Variants in ANAPC1 observed in about 807,000 individuals in gnomAD.
ANAPC1 encodes anaphase promoting complex subunit 1, also known as anaphase-promoting complex subunit 1.
In ANAPC1, 36 loss-of-function variants were observed where a neutral mutation model predicts 208.0. The observed-to-expected ratio is 0.17, with a 90% confidence interval of 0.13 to 0.23. ANAPC1 has a LOEUF of 0.23. Ranked by LOEUF, ANAPC1 falls within the 10% of genes least tolerant of loss-of-function variation. The pLI, the probability that ANAPC1 is intolerant of heterozygous loss-of-function variation, is 1.00. For synonymous variants in ANAPC1, 378 were observed against 695.2 expected, an observed-to-expected ratio of 0.54 and a Z score of 7.18; for missense variants, 942 against 2,011.6, an observed-to-expected ratio of 0.47 and a Z score of 10.17.
At chr2:111,878,059 CAAAT>C (rs1186490050) in intron 3 of ANAPC1, among the ~76,000 whole-genome samples, 1 of 152,228 alleles carries the variant, frequency 6.6e-6, no homozygotes, top group Middle Eastern at 3.4e-3. Flanking sequence ...TGGAGACTGA[CAAAT>C]AACTCCAAAG....
At chr2:111,842,069 G>A (rs964613100) in intron 17 of ANAPC1, among the ~76,000 whole-genome samples, 4 of 152,076 alleles carry the variant, frequency 2.6e-5, no homozygotes, top group Admixed American at 2.0e-4. Flanking sequence ...TTAAAGAGTC[G>A]TGAAAAAGGA....
chr2:111,883,120 G>A (rs918866479), intron 1 of ANAPC1, among the ~76,000 whole-genome samples: 4 of 146,416 alleles, frequency 2.7e-5, no homozygotes, highest in African/African-American at 1.0e-4. Context: ...GAGCTGAGAT[G>A]GCGCCACTGC....
At chr2:111,853,154 T>C (rs187036513) in intron 13 of ANAPC1, among the ~76,000 whole-genome samples, 1 of 152,332 alleles carries the variant, frequency 6.6e-6, no homozygotes, top group East Asian at 1.9e-4. Flanking sequence ...TCCCACTTTA[T>C]AGAGACTCCA....
intron 21 of ANAPC1, among the ~76,000 whole-genome samples, chr2:111,829,363 G>A (rs1680007608): frequency 6.6e-6 from 1 of 152,146 alleles, no homozygotes. Context: ...TTCTCACCAT[G>A]AAGCAGAGCA....
chr2:111,846,087 TA>T (rs1171220749), intron 16 of ANAPC1, among the ~76,000 whole-genome samples: 2 of 152,166 alleles, frequency 1.3e-5, no homozygotes, highest in Admixed American at 1.3e-4. Flanking sequence ...CATTCTTGTC[TA>T]CAATCTGCCA....
At chr2:111,862,712 A>C (rs1682143509) in intron 9 of ANAPC1, 114 bp from the exon 10 acceptor site, 1 of 1,400,258 alleles carries the variant, frequency 7.1e-7, no homozygotes, top group Admixed American at 3.0e-5. Context: ...TCATGGCATA[A>C]TCCAGGTCAG....
Position 111,831,429 on chromosome 2 carries a change from T to C in ANAPC1, c.2482A>G (p.Thr828Ala), listed in dbSNP as rs758418162. 15 of 1,594,438 alleles carry C rather than the reference T, an allele frequency of 9.4e-6. No individual in the cohort carries two copies. Among genetic ancestry groups the C allele is most frequent in the Non-Finnish European group, 1.1e-5 (13 of 1,170,600 alleles). Reference protein sequence around the residue: ...GQVCTIDPGQTGFMHHPSFFT... With the variant: ...GQVCTIDPGQAGFMHHPSFFT... ...AATGATGGATGATGCATAAATCCTG[T>C]TTGACCTTTAAAATTAGATAAATAT... Residue 828 changes from threonine to alanine, a missense_variant, in exon 21 of 48, where the codon ACA (threonine) becomes GCA (alanine). Physicochemically the swap from Thr to Ala is moderately conservative, Grantham distance 58 (BLOSUM62 0). Transcript: ENST00000341068.
chr2:111,834,009 CT>C (rs1330249699), intron 19 of ANAPC1, among the ~76,000 whole-genome samples: 1 of 152,196 alleles, frequency 6.6e-6, no homozygotes, highest in East Asian at 1.9e-4. Flanking sequence ...ACACCAGGTG[CT>C]TCAAAGCTCT....
At chr2:111,855,851 C>T (rs1681681635) in intron 13 of ANAPC1, among the ~76,000 whole-genome samples, 1 of 152,044 alleles carries the variant, frequency 6.6e-6, no homozygotes, top group South Asian at 2.1e-4. Flanking sequence ...ATATTCACTT[C>T]ATTATTATTA....
intron 38 of ANAPC1, among the ~76,000 whole-genome samples, chr2:111,790,613 T>C (rs1677824247): frequency 6.6e-6 from 1 of 152,070 alleles, no homozygotes; most frequent in Non-Finnish European, 1.5e-5. Flanking sequence ...TAAAAACTTC[T>C]AGAAGATAAG....
At chr2:111,867,610 T>G (rs1413266021) in intron 7 of ANAPC1, among the ~76,000 whole-genome samples, 1 of 151,388 alleles carries the variant, frequency 6.6e-6, no homozygotes, top group Non-Finnish European at 1.5e-5. Context: ...GATAATCACT[T>G]GAACTCGGGA....
Position 111,856,847 on chromosome 2 carries a change from G to A in ANAPC1, c.1398C>T (p.Leu466=). The stretch of plus-strand genomic sequence containing the variant: ...GTATGTTGGTCACTGAACCAAAGAT[G>A]AGCTGGGTTTTATCATTACTCTCTT... ...KFQESNDKTQ[L]IFGSVTNIPA... is the part of the protein sequence containing the mutation. The change falls in exon 12 of 48, where the codon CTC becomes CTT. Residue 466 remains leucine, a synonymous_variant. Transcript: ENST00000341068. 1 of 1,612,432 alleles carries A rather than the reference G, an allele frequency of 6.2e-7. No individual in the cohort carries two copies. The highest frequency in any genetic ancestry group is 8.5e-7 in the Non-Finnish European group (1 of 1,179,862).
intron 47 of ANAPC1, chr2:111,771,235 C>T: frequency 6.7e-6 from 1 of 149,316 alleles, no homozygotes; most frequent in Non-Finnish European, 1.5e-5. Flanking sequence ...TTTGTCTCCT[C>T]AGTCCTATGC....
intron 23 of ANAPC1, 39 bp from the exon 24 acceptor site, chr2:111,825,075 G>A (rs753254626): frequency 6.2e-7 from 1 of 1,613,776 alleles, no homozygotes; most frequent in South Asian, 1.1e-5. Flanking sequence ...AAGCAGAACA[G>A]TAAATAATAT....
chr2:111,819,276 G>T, intron 26 of ANAPC1: 2 of 981,880 alleles, frequency 2.0e-6, no homozygotes, highest in Non-Finnish European at 2.4e-6. Flanking sequence ...ATTCCACTCC[G>T]ATGGATGCTA....
At chr2:111,872,128 T>C (rs1224239843) in intron 6 of ANAPC1, among the ~76,000 whole-genome samples, 1 of 152,184 alleles carries the variant, frequency 6.6e-6, no homozygotes, top group Non-Finnish European at 1.5e-5. Context: ...GGCTGTGGGT[T>C]TGTTGTATAT....
chr2:111,816,243 A>G (rs941175690), intron 27 of ANAPC1, among the ~76,000 whole-genome samples: 1 of 149,582 alleles, frequency 6.7e-6, no homozygotes, highest in African/African-American at 2.5e-5. Context: ...CCACCTGGGC[A>G]GCAGACAGAG....
rs1248431245 is a variant in ANAPC1, at chr2:111,812,325, T to C, written c.3597+3045A>G. Among the ~76,000 whole-genome samples the C allele has an allele frequency of 7.5e-5, 6 of 80,352 alleles. 3 individuals are homozygous for C. Among genetic ancestry groups the C allele is most frequent in the African/African-American group, 2.9e-4 (6 of 20,704 alleles). The allele number at this position is 80,352 out of a possible 152,430, so 52.7% of individuals were successfully genotyped here. A position where few individuals can be genotyped will look rare whatever the true frequency, so the allele number is the denominator to read the frequency against. ...TACAGGTCACTGAGACATTTGGAGA[T>C]GAAATGTTTATCTTATTATGGCACC... On this transcript the variant is annotated intron_variant, in intron 28 of 47. Transcript: ENST00000341068.
intron 7 of ANAPC1, chr2:111,865,980 C>T (rs530235568): frequency 2.2e-5 from 4 of 185,722 alleles, no homozygotes; most frequent in Admixed American, 6.2e-5. Flanking sequence ...CTGAGTCAGG[C>T]GGCTCACGAG....
Sources: allele counts gnomAD v4.1 joint callset (sites outside exome capture counted in the v4.1 genomes callset), GRCh38; gene constraint gnomAD v4.1.1; transcripts MANE v1.5; gene names NCBI Gene and HGNC (gene_info 2026-07-23, HGNC 2026-07-21).